PCDHA6: variants seen among roughly 807,000 people sequenced by gnomAD.
PCDHA6 encodes the protein protocadherin alpha 6, also known as protocadherin alpha-6.
PCDHA6 carries 55 observed loss-of-function variants against 60.3 expected under a neutral mutation model. The observed-to-expected ratio is 0.91, with a 90% confidence interval of 0.73 to 1.14. PCDHA6 has a LOEUF of 1.14. PCDHA6 is among the 50% of genes most tolerant of loss of function. The pLI is 0.00. For missense variants in PCDHA6, 1,327 were observed against 1,256.5 expected, an observed-to-expected ratio of 1.06 and a Z score of -0.85; for synonymous variants, 652 against 557.9, an observed-to-expected ratio of 1.17 and a Z score of -2.38.
At chr5:140,967,346 G>A (rs1332345482) in intron 1 of PCDHA6, 1 of 1,607,970 alleles carries the variant, frequency 6.2e-7, no homozygotes, top group Non-Finnish European at 8.5e-7. Flanking sequence ...CGAGCACTTC[G>A]AGCTGGACCT....
chr5:140,835,567 T>C (rs2150238400), intron 1 of PCDHA6: 1 of 1,613,882 alleles, frequency 6.2e-7, no homozygotes, highest in South Asian at 1.1e-5. Flanking sequence ...CGCGTTCCCT[T>C]CAAGTTGGTG....
intron 1 of PCDHA6, among the ~76,000 whole-genome samples, chr5:140,921,646 G>T (rs957810883): frequency 6.6e-6 from 1 of 152,124 alleles, no homozygotes; most frequent in Admixed American, 6.5e-5. Context: ...GCTATTTTAA[G>T]GGAACTTAAT....
Position 140,928,140 on chromosome 5 carries a change from G to GGCC in PCDHA6, c.2395-50808_2395-50806dup. 3 of 1,614,154 alleles carry GGCC rather than the reference G, an allele frequency of 1.9e-6. No homozygotes were observed. The South Asian group carries it at 3.3e-5, about 18-fold the overall frequency. On this transcript the variant is annotated intron_variant, in intron 1 of 3. Transcript: ENST00000529310. ...TCAGTGAATACCAAGTCCTGATCAC[G>GGCC]GCCTCAGATAGTGGCTCACCCCCAC...
chr5:141,000,103 G>T (rs551643743), intron 3 of PCDHA6, among the ~76,000 whole-genome samples: 2 of 152,068 alleles, frequency 1.3e-5, no homozygotes, highest in Non-Finnish European at 2.9e-5. Flanking sequence ...GCTCAACTCC[G>T]TCTCTTCCCT....
At chr5:140,882,105 A>G in intron 1 of PCDHA6, 1 of 1,349,526 alleles carries the variant, frequency 7.4e-7, no homozygotes, top group Admixed American at 2.5e-5. Flanking sequence ...GTTTCCGCGA[A>G]GAAAGCCGCC....
intron 1 of PCDHA6, chr5:140,870,870 G>A: frequency 6.2e-7 from 1 of 1,613,948 alleles, no homozygotes; most frequent in Non-Finnish European, 8.5e-7. Flanking sequence ...CGGGCCACGT[G>A]GTGGCGAAGG....
At chr5:140,967,972 G>A (rs781888174) in intron 1 of PCDHA6, 88 of 1,614,072 alleles carry the variant, frequency 5.5e-5, no homozygotes, top group Non-Finnish European at 7.3e-5. Flanking sequence ...AAGTGAGCCT[G>A]GGTCTGGAGG....
In PCDHA6 at chr5:141,010,847, A is replaced by C. The variant is rs2098418553; in HGVS notation, c.*910A>C. 6.5e-6 allele frequency: 1 copy of C among 153,782 alleles called. No homozygotes were observed. Among genetic ancestry groups the C allele is most frequent in the Non-Finnish European group, 1.5e-5 (1 of 68,062 alleles). The allele number at this position is 153,782 out of a possible 1,614,324, so 9.5% of individuals were successfully genotyped here. A position where few individuals can be genotyped will look rare whatever the true frequency, so the allele number is the denominator to read the frequency against. ...TTGTTGTTTCATAGATTTATTTAAA[A>C]AAAGAGAAAGTCTATAGCTATAAAT... On this transcript the variant is annotated 3_prime_UTR_variant, in exon 4 of 4. Transcript: ENST00000529310.
intron 1 of PCDHA6, chr5:140,851,823 G>GT (rs1343370929): frequency 9.3e-6 from 9 of 962,984 alleles, no homozygotes; most frequent in South Asian, 4.8e-5. Context: ...ACAGAAATCT[G>GT]TTTTTTTAAA....
At chr5:140,971,958 C>G (rs2096508715) in intron 1 of PCDHA6, among the ~76,000 whole-genome samples, 1 of 152,054 alleles carries the variant, frequency 6.6e-6, no homozygotes, top group Non-Finnish European at 1.5e-5. Context: ...ACTCCAAAAA[C>G]TTTTTTTCAA....
At chr5:140,876,662 T>C in intron 1 of PCDHA6, 1 of 1,614,232 alleles carries the variant, frequency 6.2e-7, no homozygotes, top group Non-Finnish European at 8.5e-7. Flanking sequence ...CCCTTCAAGC[T>C]GGTGTCCACC....
Position 140,842,564 on chromosome 5 carries a change from C to G in PCDHA6, c.2394+12079C>G, listed in dbSNP as rs2150339268. 40 of 1,500,320 alleles carry G rather than the reference C, an allele frequency of 2.7e-5. 2 individuals carry two copies. In the East Asian group the frequency reaches 6.6e-4, roughly 25 times the overall value. The allele number at this position is 1,500,320 out of a possible 1,614,324, so 92.9% of individuals were successfully genotyped here. A position where few individuals can be genotyped will look rare whatever the true frequency, so the allele number is the denominator to read the frequency against. On this transcript the variant is annotated intron_variant, in intron 1 of 3. Transcript: ENST00000529310. ...GTTGGTGCTGGACAGCGCCCTGGAC[C>G]GCGAGAGAGTGTCGGCCTATGAGTT...
intron 1 of PCDHA6, chr5:140,926,715 G>C (rs114961630): frequency 2.1e-6 from 2 of 952,238 alleles, no homozygotes; most frequent in Non-Finnish European, 1.4e-6. Flanking sequence ...GGCCAGCCCC[G>C]GCAATGCCGG....
At chr5:140,991,754 G>A (rs1554252407) in intron 3 of PCDHA6, among the ~76,000 whole-genome samples, 2 of 152,034 alleles carry the variant, frequency 1.3e-5, no homozygotes, top group African/African-American at 4.8e-5. Context: ...TTTCTATCAT[G>A]CTCTTCAAAA....
rs2098419434 is a variant in PCDHA6, at chr5:141,011,100, CT to C, written c.*1164del. ...AAATGATCTCTCTTTCTCTCTCTCT[CT>C]CTCTTTTCTAAGAAACAATTATGTG... On this transcript the variant is annotated 3_prime_UTR_variant, in exon 4 of 4. Coordinates refer to ENST00000529310, the MANE Select transcript of PCDHA6 (RefSeq NM_018909.4). The C allele has an allele frequency of 1.3e-5, 2 of 153,772 alleles. No individual in the cohort carries two copies. Among genetic ancestry groups the C allele is most frequent in the Admixed American group, 6.5e-5 (1 of 15,290 alleles). The allele number at this position is 153,772 out of a possible 1,614,324, so 9.5% of individuals were successfully genotyped here.
At chr5:140,876,884 G>A (rs782742455) in intron 1 of PCDHA6, 11 of 1,614,028 alleles carry the variant, frequency 6.8e-6, no homozygotes, top group East Asian at 2.2e-5. Flanking sequence ...AACCCGCCGG[G>A]CTGCCACATC....
rs1486746921 is a variant in PCDHA6 at position 141,009,728 on chromosome 5, G to A, written c.2644G>A (p.Gly882Ser). Residue 882 changes from glycine (G) to serine (S), a missense_variant, in exon 4 of 4, where the codon GGT becomes AGT. Gly to Ser is a moderately conservative substitution (Grantham distance 56). Coordinates refer to ENST00000529310, the MANE Select transcript of PCDHA6 (RefSeq NM_018909.4). The part of the protein sequence containing the change: ...GPGNPKQSGP[G>S]ELPDKFIIPG... ...AGGCAACCCCAAACAATCCGGTCCC[G>A]GTGAGTTGCCCGACAAATTCATTAT... The A allele has an allele frequency of 3.1e-6, 5 of 1,613,998 alleles. No homozygotes were observed. The highest frequency in any genetic ancestry group is 2.2e-5 in the East Asian group (1 of 44,874).
intron 1 of PCDHA6, chr5:140,966,920 C>A: frequency 6.2e-7 from 1 of 1,602,672 alleles, no homozygotes; most frequent in South Asian, 1.1e-5. Flanking sequence ...GCCAGAGGAG[C>A]AGGCACCCGG....
At chr5:140,976,586 T>C (rs1029704575) in intron 1 of PCDHA6, among the ~76,000 whole-genome samples, 2 of 151,988 alleles carry the variant, frequency 1.3e-5, no homozygotes, top group Non-Finnish European at 2.9e-5. Flanking sequence ...AAACACAGAC[T>C]TTTGTGTTAA....
Sources: allele counts gnomAD v4.1 joint callset (sites outside exome capture counted in the v4.1 genomes callset), GRCh38; gene constraint gnomAD v4.1.1; transcripts MANE v1.5; gene names NCBI Gene and HGNC (gene_info 2026-07-23, HGNC 2026-07-21).